SHISA9: variants seen among roughly 807,000 people sequenced by gnomAD.
SHISA9 encodes shisa family member 9.
In SHISA9, 13 loss-of-function variants were observed where a neutral mutation model predicts 38.0. The ratio of observed to expected loss-of-function variants is 0.34; its 90% CI spans 0.22 to 0.54. The LOEUF (loss-of-function observed/expected upper bound fraction) is 0.54. SHISA9 is among the 20% of genes least tolerant of loss of function. SHISA9 has a pLI of 0.91. For missense variants in SHISA9, 538 were observed against 575.8 expected (o/e 0.93, Z 0.67); for synonymous variants, 275 against 242.0 (o/e 1.14, Z -1.27).
intron 2 of SHISA9, among the ~76,000 whole-genome samples, chr16:13,076,515 A>AG: frequency 6.6e-6 from 1 of 151,620 alleles, no homozygotes; most frequent in South Asian, 2.1e-4. Flanking sequence ...CACACACCCA[A>AG]CCTTCTGCCA....
At chr16:13,071,705 T>G (rs1180072996) in intron 2 of SHISA9, among the ~76,000 whole-genome samples, 1 of 151,888 alleles carries the variant, frequency 6.6e-6, no homozygotes, top group African/African-American at 2.4e-5. Context: ...TGGCACGATC[T>G]CAGGTTACTG....
the SHISA9 span, among the ~76,000 whole-genome samples, chr16:13,529,889 T>A: frequency 6.6e-6 from 1 of 152,190 alleles, no homozygotes; most frequent in Non-Finnish European, 1.5e-5. Flanking sequence ...CTGGAGGAAA[T>A]CCTATTCTCT....
intron 2 of SHISA9, among the ~76,000 whole-genome samples, chr16:12,997,736 T>C (rs1484555115): frequency 1.3e-5 from 2 of 152,188 alleles, no homozygotes; most frequent in Non-Finnish European, 2.9e-5. Flanking sequence ...CTTCATCATC[T>C]GGACTCTGAT....
At chr16:13,428,621 C>T in the SHISA9 span, among the ~76,000 whole-genome samples, 1 of 152,080 alleles carries the variant, frequency 6.6e-6, no homozygotes, top group Admixed American at 6.6e-5. Context: ...CTTAGAAGAC[C>T]TAAACATTGG....
Position 12,902,435 on chromosome 16 carries a change from A to G in SHISA9, c.371A>G (p.Asp124Gly). Reference protein sequence around the residue: ...RLNQSTCTNYDTPLWLNTGKP... With the variant: ...RLNQSTCTNYGTPLWLNTGKP... The stretch of plus-strand genomic sequence containing the variant: ...AACCAAAGCACCTGCACCAACTACG[A>G]CACGCCGCTCTGGCTCAACACCGGC... The change falls in exon 1 of 5, where the codon GAC becomes GGC. Residue 124 changes from aspartate to glycine, a missense_variant. By Grantham distance (94) the Asp-to-Gly change is moderately conservative. Around this residue, in one of 4 missense-constraint regions of SHISA9, gnomAD observed 88 missense variants for 109.7 expected, o/e 0.80. Transcript: ENST00000558583. The G allele has an allele frequency of 3.2e-6, 5 of 1,551,146 alleles. No homozygotes were observed. Among genetic ancestry groups the G allele is most frequent in the Non-Finnish European group, 4.4e-6 (5 of 1,146,932 alleles).
At chr16:13,312,704 GT>G in the SHISA9 span, among the ~76,000 whole-genome samples, 1 of 152,082 alleles carries the variant, frequency 6.6e-6, no homozygotes, top group Admixed American at 6.5e-5. Context: ...AATTTATAAT[GT>G]TTAGGTAAAT....
At chr16:13,270,289 C>A in the SHISA9 span, among the ~76,000 whole-genome samples, 1 of 152,074 alleles carries the variant, frequency 6.6e-6, no homozygotes, top group Non-Finnish European at 1.5e-5. Flanking sequence ...ATTCTACAGA[C>A]CCAACAAGAG....
the SHISA9 span, among the ~76,000 whole-genome samples, chr16:13,471,675 TG>T: frequency 7.4e-6 from 1 of 135,286 alleles, no homozygotes; most frequent in Non-Finnish European, 1.6e-5. Flanking sequence ...TGACCTGCAG[TG>T]GACTTTGAGC....
intron 2 of SHISA9, among the ~76,000 whole-genome samples, chr16:12,998,842 A>G (rs1309339653): frequency 5.3e-5 from 8 of 152,350 alleles, no homozygotes; most frequent in African/African-American, 1.7e-4. Flanking sequence ...GTTGATCTTC[A>G]TAAAGTACAG....
At chr16:13,514,093 C>G in the SHISA9 span, among the ~76,000 whole-genome samples, 1 of 152,096 alleles carries the variant, frequency 6.6e-6, no homozygotes, top group Non-Finnish European at 1.5e-5. Flanking sequence ...CTCCTGGGTT[C>G]AAGTGATTCT....
chr16:13,257,078 GCC>G, the SHISA9 span, among the ~76,000 whole-genome samples: 2 of 152,134 alleles, frequency 1.3e-5, no homozygotes, highest in African/African-American at 2.4e-5. Context: ...GAGACTCTCT[GCC>G]CATTTACGAA....
chr16:12,925,447 A>ATGTG (rs1555500777), intron 2 of SHISA9, among the ~76,000 whole-genome samples: 17,505 of 66,214 alleles, frequency 0.26, 1,206 homozygotes, highest in South Asian at 0.44. Flanking sequence ...GTGTGTGTGT[A>ATGTG]TGTGTGTGTG....
the SHISA9 span, among the ~76,000 whole-genome samples, chr16:13,511,671 G>A: frequency 3.3e-5 from 5 of 152,118 alleles, no homozygotes; most frequent in African/African-American, 4.8e-5. Context: ...TATAGGGAGG[G>A]AGGGGGGATT....
chr16:13,394,823 C>G, the SHISA9 span, among the ~76,000 whole-genome samples: 1 of 152,084 alleles, frequency 6.6e-6, no homozygotes, highest in Non-Finnish European at 1.5e-5. Context: ...CAATGCTTTG[C>G]TTTTTATACT....
At chr16:13,031,704 A>G (rs2072993214) in intron 2 of SHISA9, among the ~76,000 whole-genome samples, 1 of 152,170 alleles carries the variant, frequency 6.6e-6, no homozygotes, top group Admixed American at 6.5e-5. Context: ...TATCTATATC[A>G]CGAGGTTAAG....
At chr16:13,327,271 G>A in the SHISA9 span, among the ~76,000 whole-genome samples, 1 of 152,054 alleles carries the variant, frequency 6.6e-6, no homozygotes, top group African/African-American at 2.4e-5. Context: ...GCATGAGTTG[G>A]GTCTTTTGGG....
At chr16:13,078,239 T>C (rs980812445) in intron 2 of SHISA9, among the ~76,000 whole-genome samples, 2 of 152,240 alleles carry the variant, frequency 1.3e-5, no homozygotes, top group African/African-American at 4.8e-5. Context: ...AAGTCCCTCA[T>C]ACAAAATGGC....
the SHISA9 span, among the ~76,000 whole-genome samples, chr16:13,286,241 A>C: frequency 6.6e-6 from 1 of 152,146 alleles, no homozygotes; most frequent in Non-Finnish European, 1.5e-5. Context: ...GCTATGCCCC[A>C]ACCACGCTGA....
chr16:13,218,027 G>A (rs1407002199), intron 4 of SHISA9, among the ~76,000 whole-genome samples: 1 of 148,892 alleles, frequency 6.7e-6, no homozygotes, highest in Non-Finnish European at 1.5e-5. Context: ...AGGAAGGAAG[G>A]GAGGGAGGGA....
Sources: allele counts gnomAD v4.1 joint callset (sites outside exome capture counted in the v4.1 genomes callset), GRCh38; gene constraint gnomAD v4.1.1; regional missense constraint gnomAD v4.1.1; transcripts MANE v1.5; gene names NCBI Gene and HGNC (gene_info 2026-07-23, HGNC 2026-07-21).